The following SEMA3E variants were observed in gnomAD, a reference collection of about 807,000 sequenced individuals.
The protein encoded by SEMA3E is semaphorin 3E, also known as semaphorin-3E.
Under a neutral mutation model 93.6 loss-of-function variants are expected in SEMA3E, and 49 were observed. The ratio of observed to expected loss-of-function variants is 0.52; its 90% CI spans 0.42 to 0.66. The LOEUF (loss-of-function observed/expected upper bound fraction) is 0.66. Ranked by LOEUF, SEMA3E falls within the 30% of genes least tolerant of loss-of-function variation. The pLI is 0.00. For missense variants in SEMA3E, 906 were observed against 964.8 expected, an observed-to-expected ratio of 0.94 and a Z score of 0.81; for synonymous variants, 363 against 330.7, an observed-to-expected ratio of 1.10 and a Z score of -1.06.
chr7:83,422,132 G>A (rs1485164860), intron 4 of SEMA3E, among the ~76,000 whole-genome samples: 8 of 152,160 alleles, frequency 5.3e-5, no homozygotes, highest in East Asian at 1.9e-4. Flanking sequence ...AGCTGAGATC[G>A]TGCCATTGCA....
chr7:83,522,773 G>A (rs1314374778), intron 1 of SEMA3E, among the ~76,000 whole-genome samples: 2 of 152,036 alleles, frequency 1.3e-5, no homozygotes, highest in Non-Finnish European at 2.9e-5. Context: ...CTGTCTTTCT[G>A]TTCCTACCTC....
At chr7:83,471,656 T>C (rs1789897390) in intron 2 of SEMA3E, among the ~76,000 whole-genome samples, 2 of 152,216 alleles carry the variant, frequency 1.3e-5, no homozygotes, top group Non-Finnish European at 2.9e-5. Context: ...TTTGTTTGTT[T>C]GTTTTGGCTA....
At chr7:83,627,381 G>T (rs1793690085) in intron 1 of SEMA3E, among the ~76,000 whole-genome samples, 1 of 152,088 alleles carries the variant, frequency 6.6e-6, no homozygotes, top group Admixed American at 6.6e-5. Flanking sequence ...AAGAATCTGG[G>T]AACTCCTCTA....
chr7:83,543,934 T>C (rs1791589489), intron 1 of SEMA3E, among the ~76,000 whole-genome samples: 1 of 152,090 alleles, frequency 6.6e-6, no homozygotes, highest in African/African-American at 2.4e-5. Flanking sequence ...AATCTTTAGT[T>C]AGGTCAAACA....
chr7:83,647,510 G>C (rs530253775), intron 1 of SEMA3E, among the ~76,000 whole-genome samples: 1 of 152,048 alleles, frequency 6.6e-6, no homozygotes, highest in South Asian at 2.1e-4. Flanking sequence ...AATTTATTCC[G>C]AATTTATATT....
chr7:83,576,436 T>C (rs992307417), intron 1 of SEMA3E, among the ~76,000 whole-genome samples: 5 of 152,182 alleles, frequency 3.3e-5, no homozygotes, highest in African/African-American at 1.2e-4. Context: ...AAAGACTTCA[T>C]GCTTATATAT....
At chr7:83,569,534 A>T (rs372303450) in intron 1 of SEMA3E, among the ~76,000 whole-genome samples, 3 of 152,194 alleles carry the variant, frequency 2.0e-5, no homozygotes, top group Admixed American at 6.5e-5. Flanking sequence ...GTAAAGGGAC[A>T]GAGAAAGATA....
At chr7:83,647,244 A>C (rs1350769366) in intron 1 of SEMA3E, among the ~76,000 whole-genome samples, 2 of 152,180 alleles carry the variant, frequency 1.3e-5, no homozygotes, top group African/African-American at 4.8e-5. Flanking sequence ...TTCTATAGTC[A>C]ACATTTACTG....
At chr7:83,460,743 C>G (rs983058844) in intron 4 of SEMA3E, among the ~76,000 whole-genome samples, 3 of 150,944 alleles carry the variant, frequency 2.0e-5, no homozygotes, top group African/African-American at 7.3e-5. Context: ...TGTGCCCCGG[C>G]CCCTTATCTC....
chr7:83,564,060 G>A (rs17157835), intron 1 of SEMA3E, among the ~76,000 whole-genome samples: 5,118 of 152,132 alleles, frequency 0.034, 138 homozygotes, highest in East Asian at 0.14. Context: ...TATAGAAGCC[G>A]ATAATGGAAA....
intron 1 of SEMA3E, among the ~76,000 whole-genome samples, chr7:83,523,147 T>C (rs1791083419): frequency 6.6e-6 from 1 of 152,088 alleles, no homozygotes; most frequent in Non-Finnish European, 1.5e-5. Flanking sequence ...CAGAGATTCA[T>C]GTTCAGTGCA....
chr7:83,562,666 A>C (rs1463736753), intron 1 of SEMA3E, among the ~76,000 whole-genome samples: 1 of 152,022 alleles, frequency 6.6e-6, no homozygotes, highest in African/African-American at 2.4e-5. Context: ...TCTGTGGCAG[A>C]GGAAATTTGG....
chr7:83,459,725 G>A (rs1007461003), intron 4 of SEMA3E, among the ~76,000 whole-genome samples: 201 of 150,440 alleles, frequency 1.3e-3, no homozygotes, highest in African/African-American at 4.7e-3. Context: ...GCACGTATTC[G>A]CCCAGATGGC....
intron 16 of SEMA3E, 110 bp from the exon 17 acceptor site, chr7:83,368,148 T>C: frequency 1.1e-6 from 1 of 912,596 alleles, no homozygotes; most frequent in Non-Finnish European, 1.7e-6. Flanking sequence ...TGTCACATAA[T>C]GAAACCCTGA....
intron 1 of SEMA3E, among the ~76,000 whole-genome samples, chr7:83,587,114 C>T (rs1792645472): frequency 6.6e-6 from 1 of 152,108 alleles, no homozygotes; most frequent in African/African-American, 2.4e-5. Context: ...AGATTTTCCA[C>T]ACAATATCAT....
chr7:83,641,416 G>A (rs1002317919), intron 1 of SEMA3E: 1 of 984,648 alleles, frequency 1.0e-6, no homozygotes, highest in Non-Finnish European at 1.2e-6. Context: ...GCTGCCTATA[G>A]GACACTGTTT....
At chr7:83,616,791 C>G (rs781097020) in intron 1 of SEMA3E, 2 of 430,142 alleles carry the variant, frequency 4.6e-6, no homozygotes, top group African/African-American at 2.1e-5. Flanking sequence ...AAGGCGTGAT[C>G]TCCTCTCACT....
intron 1 of SEMA3E, among the ~76,000 whole-genome samples, chr7:83,500,027 A>G (rs1277692460): frequency 6.6e-6 from 1 of 152,232 alleles, no homozygotes; most frequent in Non-Finnish European, 1.5e-5. Flanking sequence ...CAGAATTTTG[A>G]CTAATGAATA....
chr7:83,409,430 A>G (rs765383977), intron 5 of SEMA3E, among the ~76,000 whole-genome samples: 1 of 152,170 alleles, frequency 6.6e-6, no homozygotes, highest in Non-Finnish European at 1.5e-5. Context: ...GAAACAAATG[A>G]TAACAGCAGA....
Sources: allele counts gnomAD v4.1 joint callset (sites outside exome capture counted in the v4.1 genomes callset), GRCh38; gene constraint gnomAD v4.1.1; transcripts MANE v1.5; gene names NCBI Gene and HGNC (gene_info 2026-07-23, HGNC 2026-07-21).